The following DOCK7 variants were observed in gnomAD, a reference collection of about 807,000 sequenced individuals.
DOCK7 encodes dedicator of cytokinesis 7.
In DOCK7, 138 loss-of-function variants were observed where a neutral mutation model predicts 271.0. The ratio of observed to expected loss-of-function variants is 0.51; its 90% CI spans 0.44 to 0.59. DOCK7 has a LOEUF of 0.59. DOCK7 is among the 20% of genes least tolerant of loss of function. The pLI is 0.00. For missense variants in DOCK7, 2,066 were observed against 2,592.4 expected, an observed-to-expected ratio of 0.80 and a Z score of 4.41; for synonymous variants, 823 against 876.1, an observed-to-expected ratio of 0.94 and a Z score of 1.07.
intron 31 of DOCK7, among the ~76,000 whole-genome samples, chr1:62,520,917 GC>G (rs1286541856): frequency 1.3e-5 from 2 of 152,126 alleles, no homozygotes; most frequent in African/African-American, 4.8e-5. Context: ...GGAATACTAT[GC>G]AGCCATAAAA....
At chr1:62,666,537 C>A (rs1251466915) in intron 1 of DOCK7, among the ~76,000 whole-genome samples, 1 of 152,178 alleles carries the variant, frequency 6.6e-6, no homozygotes. Flanking sequence ...GATGCATTTA[C>A]AACTGGGACC....
chr1:62,565,456 A>G (rs1166770302), intron 18 of DOCK7, among the ~76,000 whole-genome samples: 1 of 152,186 alleles, frequency 6.6e-6, no homozygotes, highest in Non-Finnish European at 1.5e-5. Context: ...CCAATGACAA[A>G]AACCACATGA....
At chr1:62,688,092 G>T in intron 1 of DOCK7, 135 bp downstream of exon 1, 2 of 1,108,832 alleles carry the variant, frequency 1.8e-6, no homozygotes, top group Non-Finnish European at 2.2e-6. Context: ...AACCCCTTCC[G>T]CCCCGCCGCG....
intron 43 of DOCK7, chr1:62,479,669 GT>G: frequency 3.1e-6 from 1 of 320,990 alleles, no homozygotes; most frequent in Non-Finnish European, 6.5e-6. Flanking sequence ...CCTACTTTTT[GT>G]TTTTTATTTA....
At chr1:62,587,076 T>C (rs1386052155) in intron 14 of DOCK7, among the ~76,000 whole-genome samples, 2 of 151,974 alleles carry the variant, frequency 1.3e-5, no homozygotes, top group Non-Finnish European at 2.9e-5. Flanking sequence ...TGTATAAATG[T>C]GATTAAGAAT....
At chr1:62,515,761 ATAC>A (rs1406691786) in intron 31 of DOCK7, among the ~76,000 whole-genome samples, 1 of 152,236 alleles carries the variant, frequency 6.6e-6, no homozygotes, top group Non-Finnish European at 1.5e-5. Context: ...GAGAGCCAAG[ATAC>A]TCTTGAAGAA....
intron 37 of DOCK7, among the ~76,000 whole-genome samples, chr1:62,503,563 C>T (rs751077611): frequency 1.3e-5 from 2 of 151,796 alleles, no homozygotes; most frequent in Admixed American, 6.6e-5. Flanking sequence ...CTCAGCCTCC[C>T]GAGTAGCTGC....
At chr1:62,655,512 C>T (rs1394329713) in intron 2 of DOCK7, among the ~76,000 whole-genome samples, 16 of 150,644 alleles carry the variant, frequency 1.1e-4, no homozygotes, top group Non-Finnish European at 1.9e-4. Flanking sequence ...GCAACCTTTG[C>T]GTCCTGGGCT....
rs544919712 is a variant in DOCK7 at position 62,536,118 on chromosome 1, T to C, written c.3472-486A>G. Among the ~76,000 whole-genome samples, 10 of 152,318 alleles carry C rather than the reference T, an allele frequency of 6.6e-5. 1 individual carries two copies. In the South Asian group the frequency reaches 2.1e-3, roughly 32 times the overall value. On this transcript the variant is annotated intron_variant, in intron 28 of 49. Transcript: ENST00000635253. Reference sequence around the variant, plus strand: ...CCATCATTTTGTTGTCTGAGTTTTTTTTTTAACATCTTAATACTTCAAAAT... The same window carrying C: ...CCATCATTTTGTTGTCTGAGTTTTTCTTTTAACATCTTAATACTTCAAAAT...
intron 1 of DOCK7, among the ~76,000 whole-genome samples, chr1:62,684,474 G>T (rs1361622447): frequency 6.6e-6 from 1 of 152,158 alleles, no homozygotes; most frequent in African/African-American, 2.4e-5. Context: ...TATTGAGGCT[G>T]TTATCCCCAT....
chr1:62,586,397 G>C (rs1647528105), intron 15 of DOCK7, 110 bp downstream of exon 15: 1 of 708,902 alleles, frequency 1.4e-6, no homozygotes, highest in Non-Finnish European at 2.3e-6. Flanking sequence ...TAGAAATTTG[G>C]TTTAAAAGAT....
intron 31 of DOCK7, among the ~76,000 whole-genome samples, chr1:62,524,957 T>TATATATATATATATATATATATATA (rs1557666274): frequency 4.8e-5 from 4 of 82,644 alleles, no homozygotes; most frequent in Admixed American, 1.2e-4. Flanking sequence ...ATATATATAT[T>TATATATATATATATATATATATATA]ACTATAAACT....
intron 31 of DOCK7, among the ~76,000 whole-genome samples, chr1:62,525,304 T>C (rs1644973896): frequency 6.6e-6 from 1 of 152,016 alleles, no homozygotes; most frequent in Non-Finnish European, 1.5e-5. Context: ...CCACCATGCC[T>C]GGCCTAGATG....
chr1:62,617,717 C>G (rs77923039), intron 14 of DOCK7, among the ~76,000 whole-genome samples: 3,608 of 151,842 alleles, frequency 0.024, 156 homozygotes, highest in East Asian at 0.065. Context: ...TTAAAATTAA[C>G]TTTACCTGTT....
At chr1:62,660,219 T>C (rs1218405102) in intron 2 of DOCK7, among the ~76,000 whole-genome samples, 1 of 152,148 alleles carries the variant, frequency 6.6e-6, no homozygotes, top group East Asian at 1.9e-4. Flanking sequence ...TCAGACAGAA[T>C]GTGTTCTCTG....
In DOCK7 at chr1:62,461,677, TAAATAAAATAAAATA is replaced by T. The variant is rs71045843; in HGVS notation, c.6213-3987_6213-3973del. On this transcript the variant is annotated intron_variant, in intron 48 of 49. Transcript: ENST00000635253. ...CACAGTGAGACCCCATCTCAAAAAA[TAAATAAAATAAAATA>T]AAATAAAATAAAATAAAATAAAATA... is the stretch of plus-strand genomic sequence containing the variant. 2.4e-3 allele frequency among the ~76,000 whole-genome samples: 329 copies of T among 134,976 alleles called. 2 individuals carry two copies. The highest frequency in any genetic ancestry group is 6.8e-3 in the African/African-American group (249 of 36,688). 88.5% of individuals were successfully genotyped at this position (134,976 alleles called of 152,430 possible).
intron 11 of DOCK7, among the ~76,000 whole-genome samples, chr1:62,630,158 T>C (rs1314589773): frequency 6.6e-6 from 1 of 152,148 alleles, no homozygotes. Flanking sequence ...ATTCCTTATC[T>C]ATGAGAATAA....
intron 18 of DOCK7, among the ~76,000 whole-genome samples, chr1:62,572,588 T>C (rs769825431): frequency 1.3e-5 from 2 of 152,066 alleles, no homozygotes; most frequent in Non-Finnish European, 2.9e-5. Context: ...CAGTTTCTGG[T>C]GAGGGTTCTC....
chr1:62,558,917 T>G, intron 20 of DOCK7, 72 bp downstream of exon 20: 1 of 1,289,336 alleles, frequency 7.8e-7, no homozygotes, highest in Non-Finnish European at 1.1e-6. Context: ...AATCATGTTT[T>G]TTTTTTTTAA....
Sources: allele counts gnomAD v4.1 joint callset (sites outside exome capture counted in the v4.1 genomes callset), GRCh38; gene constraint gnomAD v4.1.1; transcripts MANE v1.5; gene names NCBI Gene and HGNC (gene_info 2026-07-23, HGNC 2026-07-21).